The following TFEC variants were observed in gnomAD, a reference collection of about 807,000 sequenced individuals.
TFEC encodes class E basic helix-loop-helix protein 34.
TFEC carries 31 observed loss-of-function variants against 41.6 expected under a neutral mutation model. That is an observed-to-expected ratio of 0.74 (90% CI 0.56 to 1.01). TFEC has a LOEUF of 1.01. TFEC is among the 50% of genes least tolerant of loss of function. The probability of loss-of-function intolerance (pLI) is 0.00; values close to 1 mark genes in which losing one functional copy is unlikely to be tolerated. For synonymous variants in TFEC, 143 were observed against 140.6 expected (o/e 1.02, Z -0.12); for missense variants, 402 against 404.1 (o/e 0.99, Z 0.04).
At chr7:116,081,722 A>T (rs2131058674) in intron 3 of TFEC, among the ~76,000 whole-genome samples, 1 of 152,138 alleles carries the variant, frequency 6.6e-6, no homozygotes. Context: ...TTTCAACCTG[A>T]CTCCACACAA....
intron 3 of TFEC, chr7:116,110,644 A>T (rs1435197076): frequency 8.9e-7 from 1 of 1,123,488 alleles, no homozygotes; most frequent in African/African-American, 1.6e-5. Flanking sequence ...AAACAGACAG[A>T]TTTTCAGAGG....
chr7:116,069,946 A>C (rs1471376144), intron 3 of TFEC, among the ~76,000 whole-genome samples: 3 of 151,586 alleles, frequency 2.0e-5, no homozygotes, highest in African/African-American at 7.2e-5. Context: ...TGCTTCTTTT[A>C]AAACAATATG....
rs1794699783 is a variant in TFEC, at chr7:116,004,113, G to C, written c.-72-19600C>G. 2.0e-5 allele frequency among the ~76,000 whole-genome samples: 3 copies of C among 151,650 alleles called. 1 individual carries two copies. In the South Asian group the frequency reaches 6.2e-4, roughly 32 times the overall value. On this transcript the variant is annotated intron_variant, in intron 1 of 7. Transcript: ENST00000265440. ...CAAATCCAGAGTAAGTAGAAGAAAA[G>C]GAATAATAACAATTAAAGAAGAAAT...
chr7:116,017,718 T>C (rs1002056226), intron 1 of TFEC, among the ~76,000 whole-genome samples: 1 of 152,180 alleles, frequency 6.6e-6, no homozygotes, highest in Non-Finnish European at 1.5e-5. Flanking sequence ...CCATTTATGC[T>C]TTTCCCTACT....
chr7:115,941,844 C>CTGAGTCATGTGTAAGCTATG (rs1793519607), intron 7 of TFEC, 49 bp downstream of exon 7: 2 of 1,565,766 alleles, frequency 1.3e-6, no homozygotes, highest in Admixed American at 3.6e-5. Context: ...CTGATGACAG[C>CTGAGTCATGTGTAAGCTATG]TGAGTCATGT....
At chr7:115,995,744 C>A (rs1053678000) in intron 1 of TFEC, among the ~76,000 whole-genome samples, 2 of 152,152 alleles carry the variant, frequency 1.3e-5, no homozygotes, top group Non-Finnish European at 2.9e-5. Flanking sequence ...AACCCTGACA[C>A]GGCTCGGAGA....
At chr7:116,142,404 A>G (rs945558205) in intron 1 of TFEC, among the ~76,000 whole-genome samples, 1 of 152,198 alleles carries the variant, frequency 6.6e-6, no homozygotes, top group African/African-American at 2.4e-5. Context: ...ATTTTTCAGA[A>G]TGTACTCCCA....
In TFEC at chr7:116,154,543, A is replaced by G. The variant is rs142506837; in HGVS notation, c.-69+5247T>C. ...ATGCTATGAAATGGACTGGGAATAT[A>G]TATTAATGAACAAGGCAGATACATT... On this transcript the variant is annotated intron_variant, in intron 1 of 8. Transcript: ENST00000484212. 6.9e-3 allele frequency among the ~76,000 whole-genome samples: 1,053 copies of G among 152,342 alleles called. 3 individuals are homozygous for G. Among genetic ancestry groups the G allele is most frequent in the Non-Finnish European group, 0.01 (698 of 68,034 alleles).
chr7:116,011,007 A>C (rs900088568), intron 1 of TFEC, among the ~76,000 whole-genome samples: 3 of 152,204 alleles, frequency 2.0e-5, no homozygotes, highest in Non-Finnish European at 4.4e-5. Context: ...GAAAACCAGA[A>C]GGATTTTTTA....
At chr7:116,062,825 T>G (rs1035784716) in intron 3 of TFEC, among the ~76,000 whole-genome samples, 1 of 152,072 alleles carries the variant, frequency 6.6e-6, no homozygotes, top group Non-Finnish European at 1.5e-5. Flanking sequence ...TGTAATAGTT[T>G]ACATTACCAG....
chr7:116,030,504 A>G (rs1795752922), intron 1 of TFEC, 129 bp downstream of exon 1: 1 of 493,628 alleles, frequency 2.0e-6, no homozygotes, highest in Non-Finnish European at 2.6e-6. Flanking sequence ...CCTGATACCT[A>G]GTTATCATAA....
chr7:115,943,455 G>T (rs945587972), intron 6 of TFEC, among the ~76,000 whole-genome samples: 2 of 151,800 alleles, frequency 1.3e-5, no homozygotes, highest in African/African-American at 4.8e-5. Context: ...AGCCATATTT[G>T]AAGTTTAAAG....
At chr7:116,066,379 A>G (rs1028343486) in intron 3 of TFEC, among the ~76,000 whole-genome samples, 1 of 152,138 alleles carries the variant, frequency 6.6e-6, no homozygotes, top group African/African-American at 2.4e-5. Flanking sequence ...CATGTCTAAG[A>G]GATTAATCAA....
chr7:116,050,830 A>G (rs567064986), intron 3 of TFEC, among the ~76,000 whole-genome samples: 3 of 152,364 alleles, frequency 2.0e-5, no homozygotes, highest in African/African-American at 7.2e-5. Flanking sequence ...TCATGCTGCT[A>G]TAAAGACACA....
intron 1 of TFEC, among the ~76,000 whole-genome samples, chr7:116,127,469 T>C (rs570655638): frequency 5.9e-5 from 9 of 152,304 alleles, no homozygotes; most frequent in African/African-American, 1.9e-4. Flanking sequence ...AGCAGTGATA[T>C]GTTTGCACTT....
chr7:116,110,955 A>T (rs1350017867), intron 2 of TFEC: 1 of 1,259,066 alleles, frequency 7.9e-7, no homozygotes, highest in Non-Finnish European at 1.1e-6. Context: ...AAAAAGGAGC[A>T]CTGTAAAACA....
At chr7:116,140,131 T>C (rs1798511987) in intron 1 of TFEC, among the ~76,000 whole-genome samples, 1 of 152,216 alleles carries the variant, frequency 6.6e-6, no homozygotes, top group Non-Finnish European at 1.5e-5. Flanking sequence ...AGGAAATCCA[T>C]TCATTGGCTA....
chr7:116,090,467 A>G (rs866462739), intron 3 of TFEC, among the ~76,000 whole-genome samples: 5 of 151,926 alleles, frequency 3.3e-5, no homozygotes, highest in Non-Finnish European at 7.4e-5. Context: ...TTGTTTGTGC[A>G]TTTTGTCCAA....
In TFEC at chr7:116,069,783, T is replaced by C. The variant is rs139718525; in HGVS notation, c.198+40925A>G. Among the ~76,000 whole-genome samples the C allele has an allele frequency of 3.2e-3, 484 of 151,744 alleles. 1 individual carries two copies. The highest frequency in any genetic ancestry group is 6.8e-3 in the Middle Eastern group (2 of 294). On this transcript the variant is annotated intron_variant, in intron 3 of 8. Transcript: ENST00000484212. ...AAAATCACAAAAGCATCCTACATGG[T>C]CTTTTGCCAACCACAATTCATCTTT...
Sources: allele counts gnomAD v4.1 joint callset (sites outside exome capture counted in the v4.1 genomes callset), GRCh38; gene constraint gnomAD v4.1.1; transcripts MANE v1.5; gene names NCBI Gene and HGNC (gene_info 2026-07-23, HGNC 2026-07-21).